TAF12: variants seen among roughly 807,000 people sequenced by gnomAD.
TAF12 encodes transcription initiation factor TFIID subunit 12.
In TAF12, 3 loss-of-function variants were observed where a neutral mutation model predicts 20.8. That is an observed-to-expected ratio of 0.14 (90% CI 0.07 to 0.37). The LOEUF is 0.37. Ranked by LOEUF, TAF12 falls within the 10% of genes least tolerant of loss-of-function variation. TAF12 has a pLI of 1.00. For synonymous variants in TAF12, 69 were observed against 70.2 expected, an observed-to-expected ratio of 0.98 and a Z score of 0.09; for missense variants, 131 against 197.9, an observed-to-expected ratio of 0.66 and a Z score of 2.03.
Position 28,632,502 on chromosome 1 carries a change from T to G in TAF12, c.-84-10337A>C, listed in dbSNP as rs560594042. On this transcript the variant is annotated intron_variant, in intron 1 of 5. Coordinates refer to ENST00000373824, the MANE Select transcript of TAF12 (RefSeq NM_005644.4). The stretch of plus-strand genomic sequence containing the variant: ...TTGCACTCCAGCCTGGGCAGCAGAG[T>G]AAGACTCTGTCTCAACAATAACAAC... Among the ~76,000 whole-genome samples the G allele has an allele frequency of 2.0e-5, 3 of 151,996 alleles. No individual in the cohort carries two copies. The South Asian group carries it at 6.2e-4, about 32-fold the overall frequency.
chr1:28,637,182 G>A (rs948244079), intron 1 of TAF12, among the ~76,000 whole-genome samples: 5 of 152,194 alleles, frequency 3.3e-5, no homozygotes, highest in East Asian at 3.8e-4. Flanking sequence ...AGGGCTGGAT[G>A]CCATCTTTGG....
intron 4 of TAF12, among the ~76,000 whole-genome samples, chr1:28,605,677 G>A (rs1327068214): frequency 6.6e-6 from 1 of 152,160 alleles, no homozygotes. Context: ...CCAGAGTGGG[G>A]TGCAGTGGCA....
At chr1:28,620,202 C>T (rs71644386) in intron 2 of TAF12, among the ~76,000 whole-genome samples, 5 of 150,324 alleles carry the variant, frequency 3.3e-5, no homozygotes, top group Admixed American at 2.7e-4. Context: ...GGTGTAATCT[C>T]GGCTCACTGC....
chr1:28,626,584 A>G (rs2124351435), intron 1 of TAF12, among the ~76,000 whole-genome samples: 1 of 149,636 alleles, frequency 6.7e-6, no homozygotes, highest in East Asian at 2.0e-4. Context: ...TCTGTCTCAA[A>G]AAAAAAAAAA....
chr1:28,619,571 C>T (rs1007539888), intron 2 of TAF12, among the ~76,000 whole-genome samples: 11 of 149,658 alleles, frequency 7.4e-5, no homozygotes, highest in African/African-American at 2.7e-4. Flanking sequence ...ACTTGACCTC[C>T]TCAGTGCCCA....
intron 1 of TAF12, among the ~76,000 whole-genome samples, chr1:28,637,521 C>T (rs61786035): frequency 0.15 from 23,206 of 151,704 alleles, 2,237 homozygotes; most frequent in South Asian, 0.22. Flanking sequence ...AAAAAATAGC[C>T]GGGCATTGTG....
intron 1 of TAF12, among the ~76,000 whole-genome samples, chr1:28,637,433 G>A (rs575355115): frequency 5.9e-5 from 9 of 152,182 alleles, no homozygotes; most frequent in South Asian, 2.1e-4. Context: ...TTGGGAGGCC[G>A]AGGCAGGCGG....
intron 1 of TAF12, among the ~76,000 whole-genome samples, chr1:28,628,141 C>T (rs951099272): frequency 3.4e-5 from 5 of 147,808 alleles, no homozygotes; most frequent in Admixed American, 1.4e-4. Context: ...GAAAGGAAAA[C>T]CTGAGCTCGA....
intron 5 of TAF12, 47 bp from the exon 6 acceptor site, chr1:28,603,621 A>G (rs757735688): frequency 4.4e-6 from 7 of 1,605,462 alleles, no homozygotes; most frequent in African/African-American, 1.3e-5. Context: ...AGCTGGAGTC[A>G]GGAGCTTTCT....
chr1:28,643,132 T>C (rs1203657815), upstream of TAF12: 1 of 985,626 alleles, frequency 1.0e-6, no homozygotes, highest in East Asian at 1.1e-4. Flanking sequence ...GCGCGGCTCT[T>C]CCGGCCGGCG....
intron 1 of TAF12, among the ~76,000 whole-genome samples, chr1:28,640,470 C>T (rs1308984793): frequency 6.6e-6 from 1 of 152,154 alleles, no homozygotes; most frequent in Non-Finnish European, 1.5e-5. Context: ...GGGGTTGGGT[C>T]ACTGTGTGAT....
Position 28,622,071 on chromosome 1 carries a change from A to G in TAF12, c.11T>C (p.Phe4Ser), listed in dbSNP as rs11540607. 3 of 1,612,160 alleles carry G rather than the reference A, an allele frequency of 1.9e-6. No homozygotes were observed. Among genetic ancestry groups the G allele is most frequent in the African/African-American group, 2.7e-5 (2 of 74,770 alleles). The change falls in exon 2 of 6, where the codon TTT (phenylalanine) becomes TCT (serine). Residue 4 changes from phenylalanine to serine, a missense_variant. By Grantham distance (155) the Phe-to-Ser change is radical (BLOSUM62 -2). Transcript: ENST00000373824. ...GAGGTTGATTAGGGCTGAGGGGCCA[A>G]ACTGGTTCATAATCTGCCGAGCTTT... MNQ[F>S]GPSALINLSN...
chr1:28,642,210 G>A (rs1213524838), intron 1 of TAF12, among the ~76,000 whole-genome samples: 1 of 152,164 alleles, frequency 6.6e-6, no homozygotes, highest in African/African-American at 2.4e-5. Flanking sequence ...TTGAGTATCT[G>A]ACACAAGAAA....
At chr1:28,646,048 G>C (rs547176621), upstream of TAF12, 4 of 152,072 alleles carry the variant, frequency 2.6e-5, no homozygotes, top group African/African-American at 9.7e-5. Context: ...CGCAGCAGGA[G>C]GACTGCTTGA....
Position 28,633,699 on chromosome 1 carries a change from G to A in TAF12, c.-85+9293C>T, listed in dbSNP as rs570338899. ...GGCCGAGGTGGGCAGATCATCTAAGGCTGGGAGTTCTAAACCAGCCTGACC... is the reference window on the plus strand; with the variant it reads ...GGCCGAGGTGGGCAGATCATCTAAGACTGGGAGTTCTAAACCAGCCTGACC... On this transcript the variant is annotated intron_variant, in intron 1 of 5. Coordinates refer to ENST00000373824, the MANE Select transcript of TAF12 (RefSeq NM_005644.4). Among the ~76,000 whole-genome samples the A allele has an allele frequency of 3.4e-4, 51 of 151,728 alleles. 1 individual carries two copies. The highest frequency in any genetic ancestry group is 3.3e-3 in the Admixed American group (50 of 15,220).
At chr1:28,603,711 C>G (rs570562488) in intron 5 of TAF12, 137 bp from the exon 6 acceptor site, 1 of 795,538 alleles carries the variant, frequency 1.3e-6, no homozygotes, top group Non-Finnish European at 2.1e-6. Flanking sequence ...CACAAGGCAT[C>G]TCAGTAGATT....
chr1:28,605,495 C>T, intron 4 of TAF12, 35 bp from the exon 5 acceptor site: 1 of 1,607,396 alleles, frequency 6.2e-7, no homozygotes, highest in Non-Finnish European at 8.5e-7. Context: ...GATAAACGTA[C>T]CAAGAAGGCA....
intron 1 of TAF12, among the ~76,000 whole-genome samples, chr1:28,635,142 A>G (rs1667773455): frequency 6.7e-6 from 1 of 148,378 alleles, no homozygotes; most frequent in South Asian, 2.2e-4. Context: ...AAGCAGGAGA[A>G]TAGCGCGAAC....
chr1:28,631,263 T>C (rs1486613488), intron 1 of TAF12, among the ~76,000 whole-genome samples: 1 of 152,030 alleles, frequency 6.6e-6, no homozygotes, highest in Non-Finnish European at 1.5e-5. Flanking sequence ...GGCTCACGCC[T>C]GTAATCCCAG....
Sources: gnomAD v4.1 joint callset for allele counts (sites outside exome capture counted in the v4.1 genomes callset) on GRCh38, gnomAD v4.1.1 for gene constraint, MANE v1.5 for transcripts, NCBI Gene and HGNC (gene_info 2026-07-23, HGNC 2026-07-21) for gene names.